Variants in ESRRG observed in about 807,000 individuals in gnomAD.
The protein encoded by ESRRG is estrogen related receptor gamma.
A neutral mutation model predicts 44.0 loss-of-function variants in ESRRG; 13 were observed. The observed-to-expected ratio is 0.30, with a 90% CI of 0.19 to 0.47. The LOEUF is 0.47. Among genes scored for constraint, ESRRG ranks in the 20% least tolerant of loss-of-function variants. The pLI is 1.00. For missense variants in ESRRG, 395 were observed against 580.6 expected (o/e 0.68, Z 3.29); for synonymous variants, 215 against 214.6 (o/e 1.00, Z -0.02).
chr1:217,042,250 A>G (rs1019305675), intron 1 of ESRRG, among the ~76,000 whole-genome samples: 1 of 152,188 alleles, frequency 6.6e-6, no homozygotes, highest in Non-Finnish European at 1.5e-5. Context: ...ATTTTATCCA[A>G]TGCAGATCCT....
chr1:217,061,432 C>A (rs4846399), intron 1 of ESRRG, among the ~76,000 whole-genome samples: 128,525 of 152,116 alleles, frequency 0.84, 54,655 homozygotes, highest in East Asian at 0.91. Flanking sequence ...GCCATCTTGC[C>A]TAGGACTGCT....
chr1:217,011,178 C>T (rs758933332), intron 1 of ESRRG, among the ~76,000 whole-genome samples: 4 of 152,188 alleles, frequency 2.6e-5, no homozygotes, highest in African/African-American at 9.7e-5. Context: ...CGTACACACT[C>T]TACAGAAAAA....
At chr1:216,814,188 G>A (rs2095063448) in intron 2 of ESRRG, among the ~76,000 whole-genome samples, 1 of 152,008 alleles carries the variant, frequency 6.6e-6, no homozygotes. Flanking sequence ...AACACCCCTG[G>A]ACCACTGGGC....
At chr1:216,590,645 G>C in intron 3 of ESRRG, among the ~76,000 whole-genome samples, 1 of 152,164 alleles carries the variant, frequency 6.6e-6, no homozygotes, top group East Asian at 1.9e-4. Context: ...AATGAAGGCA[G>C]AAGGCAATAG....
chr1:216,966,713 C>G (rs1249677853), intron 1 of ESRRG, among the ~76,000 whole-genome samples: 1 of 152,118 alleles, frequency 6.6e-6, no homozygotes, highest in Non-Finnish European at 1.5e-5. Flanking sequence ...CTACTTCAGT[C>G]TATTCCTGCT....
chr1:217,005,126 T>C (rs2077553056), intron 1 of ESRRG, among the ~76,000 whole-genome samples: 1 of 152,200 alleles, frequency 6.6e-6, no homozygotes, highest in Non-Finnish European at 1.5e-5. Context: ...AAGAGATGTC[T>C]TAGTTAGCTT....
intron 1 of ESRRG, among the ~76,000 whole-genome samples, chr1:216,702,229 C>T (rs1442286191): frequency 2.0e-5 from 3 of 151,934 alleles, no homozygotes; most frequent in African/African-American, 7.3e-5. Flanking sequence ...TTGATGAAAA[C>T]GCTGATCAAA....
At chr1:216,582,446 T>C (rs2062963515) in intron 3 of ESRRG, among the ~76,000 whole-genome samples, 1 of 152,172 alleles carries the variant, frequency 6.6e-6, no homozygotes, top group Non-Finnish European at 1.5e-5. Flanking sequence ...AAGTCAATTC[T>C]TTTCTTTTTT....
chr1:217,128,451 T>A (rs1032982575), intron 1 of ESRRG, among the ~76,000 whole-genome samples: 1 of 152,210 alleles, frequency 6.6e-6, no homozygotes, highest in Admixed American at 6.5e-5. Context: ...GTGGCCTATG[T>A]GTTAGAAACT....
At chr1:216,930,972 C>A (rs1362055568) in intron 2 of ESRRG, among the ~76,000 whole-genome samples, 1 of 152,132 alleles carries the variant, frequency 6.6e-6, no homozygotes, top group African/African-American at 2.4e-5. Flanking sequence ...AGCTTAACTG[C>A]CCAATGAGGA....
chr1:217,050,657 G>C (rs1383655501), intron 1 of ESRRG, among the ~76,000 whole-genome samples: 1 of 152,058 alleles, frequency 6.6e-6, no homozygotes, highest in Non-Finnish European at 1.5e-5. Context: ...AGAAAGCTCG[G>C]GCCATCCTCT....
intron 2 of ESRRG, among the ~76,000 whole-genome samples, chr1:216,870,643 T>C (rs1457735951): frequency 6.6e-6 from 1 of 152,084 alleles, no homozygotes; most frequent in Non-Finnish European, 1.5e-5. Context: ...CCTGGAGATT[T>C]CTTTGGCAAA....
intron 5 of ESRRG, among the ~76,000 whole-genome samples, chr1:216,546,135 G>A (rs991609663): frequency 6.6e-6 from 1 of 152,056 alleles, no homozygotes; most frequent in Non-Finnish European, 1.5e-5. Flanking sequence ...GTGCGAGGTA[G>A]GCTATTTAGC....
intron 1 of ESRRG, among the ~76,000 whole-genome samples, chr1:217,031,010 C>T (rs2081985557): frequency 6.6e-6 from 1 of 152,182 alleles, no homozygotes; most frequent in Admixed American, 6.5e-5. Flanking sequence ...ATGTGGCTCA[C>T]ATTGTATTTC....
rs564855295 is a variant in ESRRG at position 216,896,025 on chromosome 1, G to A, written c.-14+43557C>T. Among the ~76,000 whole-genome samples the A allele has an allele frequency of 3.3e-5, 5 of 152,246 alleles. No homozygotes were observed. In the South Asian group the frequency reaches 1.0e-3, roughly 32 times the overall value. On this transcript the variant is annotated intron_variant, in intron 2 of 7. Coordinates refer to the ESRRG transcript ENST00000359162. Reference sequence around the variant, plus strand: ...TCTACCAAGTCCAAGTGTAAACACTGACTTTATTTATACCAAGGGTAAGAG... The same window carrying A: ...TCTACCAAGTCCAAGTGTAAACACTAACTTTATTTATACCAAGGGTAAGAG...
chr1:216,903,428 AGT>A (rs58137897), intron 2 of ESRRG, among the ~76,000 whole-genome samples: 26,557 of 148,044 alleles, frequency 0.18, 3,336 homozygotes, highest in African/African-American at 0.36. Flanking sequence ...TGTGTGTTCA[AGT>A]GTGTGTGTGT....
At chr1:216,717,800 G>A (rs1330005092) in intron 1 of ESRRG, among the ~76,000 whole-genome samples, 2 of 151,720 alleles carry the variant, frequency 1.3e-5, no homozygotes, top group South Asian at 2.1e-4. Flanking sequence ...TAGAAAAAGA[G>A]CAAATGATAT....
chr1:216,552,449 A>C (rs1185650271), intron 5 of ESRRG, among the ~76,000 whole-genome samples: 1 of 152,212 alleles, frequency 6.6e-6, no homozygotes, highest in Non-Finnish European at 1.5e-5. Context: ...ATCTTTATCC[A>C]TAAGTGAATG....
intron 2 of ESRRG, among the ~76,000 whole-genome samples, chr1:216,920,890 G>A (rs960129191): frequency 6.6e-6 from 1 of 152,162 alleles, no homozygotes; most frequent in Admixed American, 6.5e-5. Flanking sequence ...AATTATTAGT[G>A]TTGTAGAGGC....
Sources: gnomAD v4.1 joint callset for allele counts (sites outside exome capture counted in the v4.1 genomes callset) on GRCh38, gnomAD v4.1.1 for gene constraint, MANE v1.5 for transcripts, NCBI Gene and HGNC (gene_info 2026-07-23, HGNC 2026-07-21) for gene names.